LDLRAD3: variants seen among roughly 807,000 people sequenced by gnomAD.
LDLRAD3 encodes low-density lipoprotein receptor class A domain-containing protein 3.
A neutral mutation model predicts 29.4 loss-of-function variants in LDLRAD3; 20 were observed. The observed-to-expected ratio is 0.68, with a 90% confidence interval of 0.48 to 0.99. The LOEUF (loss-of-function observed/expected upper bound fraction) is 0.99. Ranked by LOEUF, LDLRAD3 falls within the 50% of genes least tolerant of loss-of-function variation. The pLI, the probability that LDLRAD3 is intolerant of heterozygous loss-of-function variation, is 0.00. For synonymous variants in LDLRAD3, 157 were observed against 192.7 expected (o/e 0.81, Z 1.53); for missense variants, 420 against 454.3 (o/e 0.92, Z 0.69).
intron 4 of LDLRAD3, among the ~76,000 whole-genome samples, chr11:36,130,166 C>T (rs16928436): frequency 0.022 from 3,400 of 152,208 alleles, 123 homozygotes; most frequent in African/African-American, 0.078. Context: ...TGTGATGATT[C>T]GTGTAAGGAA....
intron 4 of LDLRAD3, among the ~76,000 whole-genome samples, chr11:36,101,031 G>T (rs747771502): frequency 1.3e-5 from 2 of 152,192 alleles, no homozygotes; most frequent in Non-Finnish European, 2.9e-5. Context: ...GAGAAAGTTA[G>T]TGGTGGACAC....
At chr11:36,102,499 CCT>C (rs34433199) in intron 4 of LDLRAD3, among the ~76,000 whole-genome samples, 30,587 of 151,952 alleles carry the variant, frequency 0.2, 3,356 homozygotes, top group East Asian at 0.34. Context: ...AGCCCCTCCT[CCT>C]CTCTCTCCTT....
chr11:35,991,867 T>TTGTGTGTG (rs33941156), intron 1 of LDLRAD3, among the ~76,000 whole-genome samples: 1,904 of 82,712 alleles, frequency 0.023, 74 homozygotes, highest in African/African-American at 0.053. Flanking sequence ...GAATGGTTGT[T>TTGTGTGTG]TGTGTGTGTG....
intron 4 of LDLRAD3, among the ~76,000 whole-genome samples, chr11:36,220,068 T>G (rs1196086208): frequency 6.6e-6 from 1 of 152,208 alleles, no homozygotes; most frequent in Non-Finnish European, 1.5e-5. Context: ...CATGAACAGA[T>G]GCTCACATCA....
intron 1 of LDLRAD3, among the ~76,000 whole-genome samples, chr11:35,990,194 C>G (rs1260228507): frequency 6.6e-6 from 1 of 152,150 alleles, no homozygotes; most frequent in East Asian, 1.9e-4. Context: ...TGTTAGTTCC[C>G]TAAGGCTGTT....
intron 2 of LDLRAD3, among the ~76,000 whole-genome samples, chr11:36,066,576 A>G (rs1005568609): frequency 2.0e-5 from 3 of 152,210 alleles, no homozygotes; most frequent in Non-Finnish European, 4.4e-5. Flanking sequence ...AGCCAAAATA[A>G]ATAACCTTTA....
intron 3 of LDLRAD3, among the ~76,000 whole-genome samples, chr11:36,091,683 A>G (rs1269272683): frequency 1.3e-5 from 2 of 152,212 alleles, no homozygotes; most frequent in Admixed American, 1.3e-4. Context: ...GTAAAATAGA[A>G]TGTTCCTCTC....
intron 4 of LDLRAD3, among the ~76,000 whole-genome samples, chr11:36,193,839 T>C (rs1854992251): frequency 6.6e-6 from 1 of 152,048 alleles, no homozygotes; most frequent in Non-Finnish European, 1.5e-5. Context: ...GGCTTGAGGC[T>C]TTGGAGGTCT....
At chr11:35,970,531 A>G (rs970869701) in intron 1 of LDLRAD3, among the ~76,000 whole-genome samples, 1 of 152,176 alleles carries the variant, frequency 6.6e-6, no homozygotes, top group Non-Finnish European at 1.5e-5. Flanking sequence ...GTGAAAGAAC[A>G]TATTTTTGTT....
chr11:36,049,585 A>G (rs956346752), intron 2 of LDLRAD3, among the ~76,000 whole-genome samples: 2 of 152,228 alleles, frequency 1.3e-5, no homozygotes, highest in African/African-American at 4.8e-5. Flanking sequence ...GGTTAATGTC[A>G]TGTCCTTTTC....
intron 4 of LDLRAD3, among the ~76,000 whole-genome samples, chr11:36,166,549 T>C (rs183169347): frequency 1.1e-4 from 17 of 152,364 alleles, no homozygotes; most frequent in Admixed American, 1.0e-3. Flanking sequence ...TTTCCACTAT[T>C]GGTAAGGTGT....
chr11:36,209,122 C>T (rs1298295902), intron 4 of LDLRAD3, among the ~76,000 whole-genome samples: 1 of 152,180 alleles, frequency 6.6e-6, no homozygotes, highest in Non-Finnish European at 1.5e-5. Context: ...TACAAAATAA[C>T]TTCTCGATCC....
chr11:36,030,825 A>T (rs1852227254), intron 1 of LDLRAD3, among the ~76,000 whole-genome samples: 1 of 152,238 alleles, frequency 6.6e-6, no homozygotes, highest in Non-Finnish European at 1.5e-5. Context: ...GGGCAGGAAG[A>T]ACAGCAGTAG....
intron 1 of LDLRAD3, among the ~76,000 whole-genome samples, chr11:36,032,879 GC>G (rs1306629710): frequency 1.3e-5 from 2 of 151,712 alleles, no homozygotes; most frequent in African/African-American, 4.8e-5. Context: ...TTCTCCTCAT[GC>G]CTTTTTTTTT....
intron 2 of LDLRAD3, among the ~76,000 whole-genome samples, chr11:36,080,959 C>A (rs1853103843): frequency 6.6e-6 from 1 of 152,024 alleles, no homozygotes; most frequent in African/African-American, 2.4e-5. Flanking sequence ...TCAGCATGTA[C>A]CAAAATTATA....
At chr11:36,076,406 G>A (rs1324882829) in intron 2 of LDLRAD3, among the ~76,000 whole-genome samples, 3 of 137,258 alleles carry the variant, frequency 2.2e-5, no homozygotes, top group Non-Finnish European at 4.8e-5. Context: ...TTTTTTTTTT[G>A]AGATGAGTCT....
chr11:36,149,896 T>C (rs533667903), intron 4 of LDLRAD3, among the ~76,000 whole-genome samples: 4 of 152,272 alleles, frequency 2.6e-5, no homozygotes, highest in African/African-American at 9.6e-5. Flanking sequence ...TCATGACTCA[T>C]GACTCATGAA....
intron 4 of LDLRAD3, among the ~76,000 whole-genome samples, chr11:36,124,042 G>A (rs540318214): frequency 6.6e-6 from 1 of 152,272 alleles, no homozygotes; most frequent in East Asian, 1.9e-4. Flanking sequence ...AAGATGTCAG[G>A]GAATGCTTAA....
rs575790426 is a variant in LDLRAD3 at position 36,216,232 on chromosome 11, C to T, written c.455-10853C>T. On this transcript the variant is annotated intron_variant, in intron 4 of 5. Transcript: ENST00000315571. The stretch of plus-strand genomic sequence containing the variant: ...TGCAACCCAGAGCTTCCTCCAACAG[C>T]CTGCCCAAAGGCCAGGGATTCCCCT... 7.9e-4 allele frequency among the ~76,000 whole-genome samples: 120 copies of T among 152,340 alleles called. 1 individual carries two copies. Among genetic ancestry groups the T allele is most frequent in the African/African-American group, 2.7e-3 (111 of 41,578 alleles).
Sources: gnomAD v4.1 joint callset for allele counts (sites outside exome capture counted in the v4.1 genomes callset) on GRCh38, gnomAD v4.1.1 for gene constraint, MANE v1.5 for transcripts, NCBI Gene and HGNC (gene_info 2026-07-23, HGNC 2026-07-21) for gene names.